Variants in MME observed in about 807,000 individuals in gnomAD.
MME encodes neprilysin.
MME carries 98 observed loss-of-function variants against 113.2 expected under a neutral mutation model. The ratio of observed to expected loss-of-function variants is 0.87; its 90% CI spans 0.74 to 1.02. The LOEUF (loss-of-function observed/expected upper bound fraction) is 1.02, where lower values mean the gene tolerates loss of function less well. MME is among the 50% of genes least tolerant of loss of function. The pLI is 0.00. For missense variants in MME, 836 were observed against 896.0 expected, an observed-to-expected ratio of 0.93 and a Z score of 0.86; for synonymous variants, 292 against 300.6, an observed-to-expected ratio of 0.97 and a Z score of 0.30.
intron 1 of MME, among the ~76,000 whole-genome samples, chr3:155,035,278 T>A (rs1185608829): frequency 6.7e-6 from 1 of 148,618 alleles, no homozygotes; most frequent in Non-Finnish European, 1.5e-5. Context: ...AAATATTTCA[T>A]ATTTAATGTA....
intron 8 of MME, among the ~76,000 whole-genome samples, chr3:155,130,313 A>G (rs186920339): frequency 1.3e-5 from 2 of 152,320 alleles, no homozygotes; most frequent in African/African-American, 2.4e-5. Context: ...GTGCATTTAT[A>G]CATCCACAAA....
At chr3:155,104,858 T>C (rs1234984771) in intron 3 of MME, among the ~76,000 whole-genome samples, 1 of 152,254 alleles carries the variant, frequency 6.6e-6, no homozygotes, top group Non-Finnish European at 1.5e-5. Context: ...TTAAGTGATA[T>C]ATTGTATTTA....
chr3:155,168,374 C>T (rs1711555655), intron 18 of MME, 118 bp from the exon 19 acceptor site: 1 of 915,484 alleles, frequency 1.1e-6, no homozygotes, highest in Non-Finnish European at 1.7e-6. Flanking sequence ...CTCTCATCGT[C>T]TGCCTAATTT....
intron 3 of MME, among the ~76,000 whole-genome samples, chr3:155,106,741 G>C (rs138144641): frequency 2.0e-5 from 3 of 152,266 alleles, no homozygotes; most frequent in Non-Finnish European, 4.4e-5. Context: ...TTTTTAAATT[G>C]TCAAAAATTG....
chr3:155,046,853 G>C (rs929813390), intron 1 of MME, among the ~76,000 whole-genome samples: 2 of 152,138 alleles, frequency 1.3e-5, no homozygotes, highest in African/African-American at 2.4e-5. Context: ...AAAAAGTTTA[G>C]AGGATAAGGT....
rs539172901 is a variant in MME at position 155,026,359 on chromosome 3, C to CT, written c.-11+2042dup. Among the ~76,000 whole-genome samples the CT allele has an allele frequency of 1.4e-3, 207 of 152,186 alleles. No individual in the cohort carries two copies. The South Asian group carries it at 0.018, about 13-fold the overall frequency. On this transcript the variant is annotated intron_variant, in intron 1 of 22. Transcript: ENST00000492661. ...AAATCCCACTTCTACCACTGAATGG[C>CT]TTTTTTTATTGTTATTATCACTAGT...
chr3:155,160,360 A>C (rs778926919), intron 16 of MME, 30 bp from the exon 17 acceptor site: 5 of 1,474,276 alleles, frequency 3.4e-6, no homozygotes, highest in Middle Eastern at 1.7e-4. Flanking sequence ...ATGCAGTATC[A>C]TTTGTAAAGA....
At chr3:155,150,541 A>C (rs1721847389) in intron 16 of MME, among the ~76,000 whole-genome samples, 1 of 152,060 alleles carries the variant, frequency 6.6e-6, no homozygotes, top group African/African-American at 2.4e-5. Context: ...TCTTTCCTAT[A>C]GTCTGCCTGT....
chr3:155,144,170 G>A (rs1721330420), intron 13 of MME, among the ~76,000 whole-genome samples, 189 bp from the exon 14 acceptor site: 1 of 152,122 alleles, frequency 6.6e-6, no homozygotes, highest in African/African-American at 2.4e-5. Context: ...CAAGAGTGTC[G>A]ATAATAGCAA....
chr3:155,151,223 C>T (rs2108331023), intron 16 of MME, among the ~76,000 whole-genome samples: 1 of 152,238 alleles, frequency 6.6e-6, no homozygotes, highest in Admixed American at 6.5e-5. Flanking sequence ...TAGAGAATTA[C>T]ATTTTCAGAT....
intron 1 of MME, chr3:155,083,660 A>T (rs1249091560): frequency 6.2e-6 from 1 of 160,284 alleles, no homozygotes; most frequent in African/African-American, 2.4e-5. Context: ...TTTGCTGTTT[A>T]TCTATATTAA....
chr3:155,043,336 CT>C (rs765866930), intron 1 of MME, among the ~76,000 whole-genome samples: 116 of 143,452 alleles, frequency 8.1e-4, no homozygotes, highest in South Asian at 2.0e-3. Context: ...TTCTTTCTTT[CT>C]TTTTTTTTTT....
chr3:155,163,470 C>T (rs1448615703), intron 17 of MME, among the ~76,000 whole-genome samples: 1 of 152,208 alleles, frequency 6.6e-6, no homozygotes, highest in Non-Finnish European at 1.5e-5. Context: ...CACTGTTCCT[C>T]TTCCTTGCAT....
In MME at chr3:155,116,910, C is replaced by A. The variant is rs1718666412; in HGVS notation, c.578C>A (p.Ser193Tyr). 1.9e-6 allele frequency: 3 copies of A among 1,612,430 alleles called. No homozygotes were observed. Among genetic ancestry groups the A allele is most frequent in the Non-Finnish European group, 2.5e-6 (3 of 1,178,838 alleles). The change falls in exon 7 of 23, where the codon TCT becomes TAT. Residue 193 changes from serine (S) to tyrosine (Y), a missense_variant. Physicochemically the swap from Ser to Tyr is moderately radical, Grantham distance 144. Coordinates refer to ENST00000360490, the MANE Select transcript of MME (RefSeq NM_007289.4). ...GAAAAAGCTATTGCACAACTGAATTCTAAATATGGGAAAAAAGTCCTTATT... is the reference window on the plus strand; with the variant it reads ...GAAAAAGCTATTGCACAACTGAATTATAAATATGGGAAAAAAGTCCTTATT... Reference protein sequence around the residue: ...TAEKAIAQLNSKYGKKVLINL... With the variant: ...TAEKAIAQLNYKYGKKVLINL...
intron 8 of MME, among the ~76,000 whole-genome samples, chr3:155,119,664 G>T (rs1294995848): frequency 1.3e-5 from 2 of 149,888 alleles, no homozygotes; most frequent in Non-Finnish European, 3.0e-5. Context: ...GAGAATATGC[G>T]GTGTTTGGTT....
At position 155,169,892 on chromosome 3, in the gene MME, G is replaced by T. The variant is rs546072875; in HGVS notation, c.1980+1095G>T. Reference sequence around the variant, plus strand: ...AGGTGACTGATGGGGCCTGCAGTTTGTCAGTGACCAAAGATGATCAGAGTG... The same window carrying T: ...AGGTGACTGATGGGGCCTGCAGTTTTTCAGTGACCAAAGATGATCAGAGTG... On this transcript the variant is annotated intron_variant, in intron 20 of 22. Transcript: ENST00000360490. Among the ~76,000 whole-genome samples the T allele has an allele frequency of 1.4e-4, 22 of 152,280 alleles. No homozygotes were observed. The South Asian group carries it at 4.4e-3, about 30-fold the overall frequency.
At chr3:155,166,478 T>C (rs533124143) in intron 17 of MME, among the ~76,000 whole-genome samples, 1 of 152,306 alleles carries the variant, frequency 6.6e-6, no homozygotes, top group African/African-American at 2.4e-5. Context: ...ATATTGGTGT[T>C]ACTGAGTAAC....
intron 8 of MME, among the ~76,000 whole-genome samples, chr3:155,122,301 T>C (rs1027386962): frequency 6.6e-6 from 1 of 151,522 alleles, no homozygotes; most frequent in African/African-American, 2.4e-5. Context: ...ATTTGATTCT[T>C]CTCTCTTTTT....
chr3:155,089,048 T>G (rs1716044964), intron 3 of MME, among the ~76,000 whole-genome samples: 2 of 152,204 alleles, frequency 1.3e-5, no homozygotes, highest in African/African-American at 4.8e-5. Flanking sequence ...CATCTAGGAT[T>G]TAAATATTTA....
Sources: allele counts gnomAD v4.1 joint callset (sites outside exome capture counted in the v4.1 genomes callset), GRCh38; gene constraint gnomAD v4.1.1; transcripts MANE v1.5; gene names NCBI Gene and HGNC (gene_info 2026-07-23, HGNC 2026-07-21).